The following AKAP9 variants were observed in gnomAD, a reference collection of about 807,000 sequenced individuals.
AKAP9 encodes the protein A-kinase anchor protein 9.
In AKAP9, 311 loss-of-function variants were observed where a neutral mutation model predicts 488.5. The ratio of observed to expected loss-of-function variants is 0.64; its 90% CI spans 0.58 to 0.70. The LOEUF is 0.70. AKAP9 is among the 30% of genes least tolerant of loss of function. AKAP9 has a pLI of 0.00. For synonymous variants in AKAP9, 1,462 were observed against 1,483.5 expected, an observed-to-expected ratio of 0.99 and a Z score of 0.33; for missense variants, 4,215 against 4,374.5, an observed-to-expected ratio of 0.96 and a Z score of 1.03.
At chr7:92,060,161 CAAT>C (rs1310882165) in intron 22 of AKAP9, among the ~76,000 whole-genome samples, 1 of 151,996 alleles carries the variant, frequency 6.6e-6, no homozygotes. Context: ...AAGTCTTTAA[CAAT>C]AAAGTATCCT....
intron 7 of AKAP9, among the ~76,000 whole-genome samples, chr7:91,999,882 A>ATTC (rs76017432): frequency 1.8e-4 from 28 of 151,772 alleles, no homozygotes; most frequent in Admixed American, 8.5e-4. Flanking sequence ...TCATTCATTC[A>ATTC]AGGCACCTTT....
intron 1 of AKAP9, among the ~76,000 whole-genome samples, chr7:91,943,034 T>TAA (rs35537409): frequency 2.4e-4 from 34 of 142,776 alleles, no homozygotes; most frequent in East Asian, 1.4e-3. Context: ...AAAAATTAAA[T>TAA]AAAAAAAAAA....
chr7:92,088,212 G>A (rs747787308), intron 37 of AKAP9, among the ~76,000 whole-genome samples: 19 of 152,124 alleles, frequency 1.2e-4, no homozygotes, highest in Non-Finnish European at 2.4e-4. Flanking sequence ...AAATGGAATA[G>A]ACATCATACA....
At chr7:92,029,855 A>G (rs1377306002) in intron 14 of AKAP9, 40 bp from the exon 15 acceptor site, 1 of 1,522,420 alleles carries the variant, frequency 6.6e-7, no homozygotes, top group Admixed American at 1.7e-5. Context: ...TAAAGCACAT[A>G]TACAACTCTA....
At chr7:92,060,598 A>G (rs370179920) in intron 22 of AKAP9, among the ~76,000 whole-genome samples, 37 of 152,264 alleles carry the variant, frequency 2.4e-4, no homozygotes, top group African/African-American at 8.4e-4. Flanking sequence ...AGTATGTGCT[A>G]TTGGTAATAT....
intron 3 of AKAP9, among the ~76,000 whole-genome samples, chr7:91,991,867 A>G (rs1797802237): frequency 1.3e-5 from 2 of 152,206 alleles, no homozygotes; most frequent in South Asian, 4.1e-4. Context: ...TGAGGTTTAT[A>G]CTTCTGAAGA....
At chr7:92,035,253 T>C (rs1048340191) in intron 16 of AKAP9, among the ~76,000 whole-genome samples, 3 of 152,258 alleles carry the variant, frequency 2.0e-5, no homozygotes, top group African/African-American at 7.2e-5. Context: ...TCCACATTTT[T>C]ATGATTTTCA....
intron 1 of AKAP9, among the ~76,000 whole-genome samples, chr7:91,947,288 T>C (rs1435226737): frequency 6.6e-6 from 1 of 152,002 alleles, no homozygotes; most frequent in African/African-American, 2.4e-5. Context: ...TGTTCATTTG[T>C]TCAACCAACA....
At chr7:92,058,129 A>T (rs868252116) in intron 22 of AKAP9, 1 of 552,664 alleles carries the variant, frequency 1.8e-6, no homozygotes, top group South Asian at 1.5e-5. Flanking sequence ...TAGAAAATTG[A>T]TAAAGCAAAT....
At chr7:92,010,337 G>A (rs773816118) in intron 8 of AKAP9, among the ~76,000 whole-genome samples, 3 of 152,206 alleles carry the variant, frequency 2.0e-5, no homozygotes, top group East Asian at 1.9e-4. Context: ...TTGATCATTC[G>A]CAGGACTGCT....
chr7:92,035,323 C>T (rs1019710377), intron 16 of AKAP9, among the ~76,000 whole-genome samples: 1 of 152,084 alleles, frequency 6.6e-6, no homozygotes, highest in Non-Finnish European at 1.5e-5. Flanking sequence ...TGGCAAAATA[C>T]CTCATATAAT....
At chr7:92,061,463 C>G in intron 23 of AKAP9, 41 bp downstream of exon 23, 1 of 1,608,346 alleles carries the variant, frequency 6.2e-7, no homozygotes, top group South Asian at 1.1e-5. Context: ...AGAGAAATTT[C>G]AGTCTTAAAA....
intron 8 of AKAP9, among the ~76,000 whole-genome samples, chr7:92,004,270 T>C (rs1379817018): frequency 6.6e-6 from 1 of 152,224 alleles, no homozygotes; most frequent in Non-Finnish European, 1.5e-5. Flanking sequence ...TGGCTTAGGA[T>C]TGACTTGGCA....
chr7:91,951,589 T>G (rs1025935287), intron 1 of AKAP9, among the ~76,000 whole-genome samples: 12 of 152,238 alleles, frequency 7.9e-5, no homozygotes, highest in Non-Finnish European at 1.8e-4. Context: ...CCTCCCAGTG[T>G]GCTGGGATTA....
intron 35 of AKAP9, 57 bp downstream of exon 35, chr7:92,084,997 A>G: frequency 1.3e-6 from 2 of 1,585,392 alleles, no homozygotes; most frequent in Non-Finnish European, 1.7e-6. Context: ...TATGTTGAAC[A>G]TAGCAGTTCA....
chr7:92,107,327 T>C lies in AKAP9; in HGVS notation c.11451T>C (p.Ser3817=). The stretch of plus-strand genomic sequence containing the variant: ...AGACTGACTCATTTTATCATTCTTC[T>C]GGTGGGCTGGAGTTATATGGAGAAC... ...AEKTDSFYHS[S]GGLELYGEPR... The change falls in exon 48 of 50, where the codon TCT becomes TCC. Residue 3817 remains serine, a synonymous_variant. Coordinates refer to ENST00000356239, the MANE Select transcript of AKAP9 (RefSeq NM_005751.5). The C allele has an allele frequency of 6.2e-7, 1 of 1,613,980 alleles. No individual in the cohort carries two copies. The highest frequency in any genetic ancestry group is 8.5e-7 in the Non-Finnish European group (1 of 1,179,922).
At chr7:92,044,161 G>A (rs1440512525) in intron 20 of AKAP9, among the ~76,000 whole-genome samples, 1 of 152,148 alleles carries the variant, frequency 6.6e-6, no homozygotes, top group Non-Finnish European at 1.5e-5. Context: ...GAAAAGTCTA[G>A]AAATACAGGC....
At chr7:91,983,871 C>A (rs1796742624) in intron 3 of AKAP9, among the ~76,000 whole-genome samples, 1 of 152,124 alleles carries the variant, frequency 6.6e-6, no homozygotes, top group Non-Finnish European at 1.5e-5. Context: ...TTTTCATTTG[C>A]ATTTCTCTGA....
chr7:91,976,250 A>C (rs1370617859), intron 2 of AKAP9, among the ~76,000 whole-genome samples: 2 of 151,542 alleles, frequency 1.3e-5, no homozygotes, highest in Non-Finnish European at 2.9e-5. Flanking sequence ...TTGAGACAGG[A>C]TCTCACTCTC....
Sources: allele counts gnomAD v4.1 joint callset (sites outside exome capture counted in the v4.1 genomes callset), GRCh38; gene constraint gnomAD v4.1.1; transcripts MANE v1.5; gene names NCBI Gene and HGNC (gene_info 2026-07-23, HGNC 2026-07-21).